The following GALNT13 variants were observed in gnomAD, a reference collection of about 807,000 sequenced individuals.
The protein encoded by GALNT13 is UDP-GalNAc:polypeptide N-acetylgalactosaminyltransferase 13.
GALNT13 carries 28 observed loss-of-function variants against 64.2 expected under a neutral mutation model. The ratio of observed to expected loss-of-function variants is 0.44; its 90% CI spans 0.32 to 0.60. GALNT13 has a LOEUF of 0.60. Among genes scored for constraint, GALNT13 ranks in the 20% least tolerant of loss-of-function variants. The probability of loss-of-function intolerance (pLI) is 0.05; values close to 1 mark genes in which losing one functional copy is unlikely to be tolerated. For missense variants in GALNT13, 577 were observed against 669.8 expected, an observed-to-expected ratio of 0.86 and a Z score of 1.53; for synonymous variants, 214 against 224.6, an observed-to-expected ratio of 0.95 and a Z score of 0.42.
At chr2:153,916,719 CTT>C (rs1392242484) in intron 2 of GALNT13, among the ~76,000 whole-genome samples, 1 of 152,252 alleles carries the variant, frequency 6.6e-6, no homozygotes, top group Non-Finnish European at 1.5e-5. Flanking sequence ...GTTTACCTAT[CTT>C]ATATTAGCAT....
At chr2:154,059,850 G>A (rs888082050) in intron 3 of GALNT13, among the ~76,000 whole-genome samples, 4 of 152,098 alleles carry the variant, frequency 2.6e-5, no homozygotes, top group African/African-American at 9.7e-5. Context: ...TTTAATAAAG[G>A]TAATATTTAC....
At chr2:153,213,514 GA>G in the GALNT13 span, among the ~76,000 whole-genome samples, 1 of 152,308 alleles carries the variant, frequency 6.6e-6, no homozygotes, top group East Asian at 1.9e-4. Flanking sequence ...ATACCATGAA[GA>G]ATTGTCTGTC....
intron 7 of GALNT13, among the ~76,000 whole-genome samples, chr2:154,248,595 A>G (rs1382675714): frequency 2.1e-5 from 3 of 145,736 alleles, no homozygotes; most frequent in Non-Finnish European, 4.4e-5. Context: ...AGTGTTTTAC[A>G]TTTTCAAAAA....
In GALNT13 at chr2:154,450,828, ATTG is replaced by A; in HGVS notation, c.*278_*280del. ...TGTGTTTGCTTTAAGAAAAATGTTT[ATTG>A]CACTCATGTCATAGGGTTAATTGGA... is the stretch of plus-strand genomic sequence containing the variant. On this transcript the variant is annotated 3_prime_UTR_variant, in exon 13 of 13. Transcript: ENST00000392825. The A allele has an allele frequency of 3.5e-6, 1 of 283,360 alleles. No homozygotes were observed. Among genetic ancestry groups the A allele is most frequent in the Admixed American group, 4.7e-5 (1 of 21,106 alleles). 17.6% of individuals were successfully genotyped at this position (283,360 alleles called of 1,614,324 possible).
At chr2:153,948,241 TAAA>T (rs34459679) in intron 3 of GALNT13, among the ~76,000 whole-genome samples, 2 of 148,002 alleles carry the variant, frequency 1.4e-5, no homozygotes, top group African/African-American at 2.5e-5. Flanking sequence ...TTAATGGGAC[TAAA>T]AAAAAAAAAG....
chr2:154,351,499 C>T (rs1044984179), intron 9 of GALNT13, among the ~76,000 whole-genome samples: 3 of 151,504 alleles, frequency 2.0e-5, no homozygotes, highest in Non-Finnish European at 2.9e-5. Context: ...CTGGCTAACA[C>T]GGTGAAACCC....
the GALNT13 span, among the ~76,000 whole-genome samples, chr2:153,315,954 A>G: frequency 4.2e-5 from 2 of 47,402 alleles, no homozygotes; most frequent in South Asian, 8.1e-4. Flanking sequence ...AAAACTCAGT[A>G]ATAAGAAAAA....
chr2:153,688,420 A>C, the GALNT13 span, among the ~76,000 whole-genome samples: 1 of 152,010 alleles, frequency 6.6e-6, no homozygotes, highest in South Asian at 2.1e-4. Context: ...TTTACTACTT[A>C]ATATTTTAAA....
chr2:153,851,797 T>C, the GALNT13 span, among the ~76,000 whole-genome samples: 1 of 152,148 alleles, frequency 6.6e-6, no homozygotes, highest in Non-Finnish European at 1.5e-5. Flanking sequence ...TGAAGATCAT[T>C]TTCTTAGTTA....
At chr2:153,451,113 T>C in the GALNT13 span, among the ~76,000 whole-genome samples, 2 of 152,136 alleles carry the variant, frequency 1.3e-5, no homozygotes, top group Non-Finnish European at 2.9e-5. Flanking sequence ...AGTATTATAA[T>C]TAAGTATTAA....
intron 9 of GALNT13, among the ~76,000 whole-genome samples, chr2:154,319,938 TA>T (rs1694533408): frequency 6.6e-6 from 1 of 152,068 alleles, no homozygotes; most frequent in African/African-American, 2.4e-5. Flanking sequence ...ATAGCAGACA[TA>T]AAAGAAAAAC....
At chr2:154,187,901 A>T (rs1049881302) in intron 4 of GALNT13, among the ~76,000 whole-genome samples, 6 of 152,126 alleles carry the variant, frequency 3.9e-5, no homozygotes, top group African/African-American at 1.4e-4. Context: ...TCAAAAATAG[A>T]TATGTAATGA....
chr2:154,163,848 A>C (rs375671717), intron 4 of GALNT13, among the ~76,000 whole-genome samples: 74 of 152,326 alleles, frequency 4.9e-4, no homozygotes, highest in African/African-American at 1.7e-3. Context: ...TTCTAAAAAT[A>C]GCTTCTCTGT....
the GALNT13 span, among the ~76,000 whole-genome samples, chr2:153,094,697 C>A: frequency 6.6e-6 from 1 of 152,104 alleles, no homozygotes; most frequent in Non-Finnish European, 1.5e-5. Flanking sequence ...GAGATACAGA[C>A]CAATGGAACA....
At chr2:154,142,555 A>AG (rs1683318257) in intron 4 of GALNT13, among the ~76,000 whole-genome samples, 1 of 150,426 alleles carries the variant, frequency 6.6e-6, no homozygotes, top group South Asian at 2.1e-4. Flanking sequence ...GTCTCAAAAA[A>AG]AAAAAAAAAA....
At chr2:154,214,581 C>G (rs1687946188) in intron 4 of GALNT13, among the ~76,000 whole-genome samples, 1 of 152,036 alleles carries the variant, frequency 6.6e-6, no homozygotes, top group Admixed American at 6.6e-5. Flanking sequence ...GGTTTTTCCC[C>G]TGATGTTCTC....
At chr2:154,329,475 C>T (rs562470036) in intron 9 of GALNT13, among the ~76,000 whole-genome samples, 10 of 152,252 alleles carry the variant, frequency 6.6e-5, no homozygotes, top group South Asian at 2.1e-4. Flanking sequence ...CAGTTTTTTA[C>T]GTGGTTATCA....
At chr2:153,946,035 T>C (rs1331595182) in intron 3 of GALNT13, among the ~76,000 whole-genome samples, 1 of 152,170 alleles carries the variant, frequency 6.6e-6, no homozygotes, top group Non-Finnish European at 1.5e-5. Flanking sequence ...TTTTGACAAA[T>C]GAACATGGGG....
intron 4 of GALNT13, among the ~76,000 whole-genome samples, chr2:154,153,995 G>T (rs972865197): frequency 6.6e-6 from 1 of 152,316 alleles, no homozygotes; most frequent in Non-Finnish European, 1.5e-5. Flanking sequence ...ACCTCAGATG[G>T]AAATGCAGAA....
Sources: allele counts gnomAD v4.1 joint callset (sites outside exome capture counted in the v4.1 genomes callset), GRCh38; gene constraint gnomAD v4.1.1; transcripts MANE v1.5; gene names NCBI Gene and HGNC (gene_info 2026-07-23, HGNC 2026-07-21).